The following JARID2 variants were observed in gnomAD, a reference collection of about 807,000 sequenced individuals.
JARID2 encodes protein Jumonji.
JARID2 carries 21 observed loss-of-function variants against 125.6 expected under a neutral mutation model. The observed-to-expected ratio is 0.17, with a 90% CI of 0.12 to 0.24. The LOEUF (loss-of-function observed/expected upper bound fraction) is 0.24, where lower values mean the gene tolerates loss of function less well. Ranked by LOEUF, JARID2 falls within the 10% of genes least tolerant of loss-of-function variation. The pLI is 1.00. For missense variants in JARID2, 1,303 were observed against 1,639.6 expected (o/e 0.79, Z 3.55); for synonymous variants, 736 against 661.6 (o/e 1.11, Z -1.73).
chr6:15,259,648 CAG>C (rs1468802443), intron 1 of JARID2, among the ~76,000 whole-genome samples: 2 of 152,120 alleles, frequency 1.3e-5, no homozygotes, highest in Non-Finnish European at 2.9e-5. Flanking sequence ...GCACTTAGGA[CAG>C]GGGTTAGATG....
At chr6:15,430,439 C>A (rs1019133238) in intron 3 of JARID2, among the ~76,000 whole-genome samples, 4 of 152,098 alleles carry the variant, frequency 2.6e-5, no homozygotes, top group African/African-American at 9.7e-5. Flanking sequence ...AGTTATTTTC[C>A]TGCTGTTTAT....
In JARID2 at chr6:15,419,528, A is replaced by T. The variant is rs77673984; in HGVS notation, c.323+9163A>T. Among the ~76,000 whole-genome samples the T allele has an allele frequency of 7.2e-3, 1,100 of 152,306 alleles. 14 individuals are homozygous for T. Among genetic ancestry groups the T allele is most frequent in the African/African-American group, 0.025 (1,046 of 41,566 alleles). Reference sequence around the variant, plus strand: ...TCTAACATTAGGTCTGCTGTTGATCATTCAGCTTTTGTATGTCTGGGAAGA... The same window carrying T: ...TCTAACATTAGGTCTGCTGTTGATCTTTCAGCTTTTGTATGTCTGGGAAGA... On this transcript the variant is annotated intron_variant, in intron 3 of 17. Coordinates refer to ENST00000341776, the MANE Select transcript of JARID2 (RefSeq NM_004973.4).
At chr6:15,279,300 C>A (rs1441482606) in intron 1 of JARID2, among the ~76,000 whole-genome samples, 1 of 152,134 alleles carries the variant, frequency 6.6e-6, no homozygotes, top group Non-Finnish European at 1.5e-5. Context: ...ATACTGTTTT[C>A]TGAAATGGTT....
At chr6:15,515,994 C>CA (rs568172506) in intron 16 of JARID2, among the ~76,000 whole-genome samples, 32,085 of 110,522 alleles carry the variant, frequency 0.29, 4,690 homozygotes, top group African/African-American at 0.46. Flanking sequence ...GACTCCATCT[C>CA]AAAAAAAAAA....
chr6:15,436,997 C>T (rs993413526), intron 3 of JARID2, among the ~76,000 whole-genome samples: 1 of 152,026 alleles, frequency 6.6e-6, no homozygotes, highest in Non-Finnish European at 1.5e-5. Context: ...ATATCCAGGT[C>T]CTTCTTAGAG....
At chr6:15,375,779 G>GT (rs1764330232) in intron 2 of JARID2, among the ~76,000 whole-genome samples, 1 of 152,192 alleles carries the variant, frequency 6.6e-6, no homozygotes, top group Admixed American at 6.5e-5. Context: ...AGAGTTTAGA[G>GT]TGGAGCAGTG....
In JARID2 at chr6:15,501,331, C is replaced by G. The variant is rs1334524016; in HGVS notation, c.2370C>G (p.Phe790Leu). ...TGAAGACTGGCCGGCGGCGACTCTT[C>G]GCTCAGGAAAAAGAAGTGGTCAAGG... ...AQLKTGRRRLFAQEKEVVKEE... is the reference protein window; with the variant it reads ...AQLKTGRRRLLAQEKEVVKEE... Residue 790 changes from phenylalanine to leucine, a missense_variant, in exon 8 of 18, where the codon TTC becomes TTG. Around this residue, in one of 11 missense-constraint regions of JARID2, gnomAD observed 124 missense variants for 131.0 expected, o/e 0.95. Coordinates refer to ENST00000341776, the MANE Select transcript of JARID2 (RefSeq NM_004973.4). 3 of 1,605,396 alleles carry G rather than the reference C, an allele frequency of 1.9e-6. No individual in the cohort carries two copies. The highest frequency in any genetic ancestry group is 1.7e-4 in the Middle Eastern group (1 of 6,006).
intron 3 of JARID2, among the ~76,000 whole-genome samples, chr6:15,424,799 C>T (rs953656254): frequency 9.2e-5 from 14 of 152,222 alleles, no homozygotes; most frequent in East Asian, 5.8e-4. Flanking sequence ...GCGGAGGTTG[C>T]GGTGAGCTGA....
At chr6:15,452,892 G>A (rs1002995074) in intron 4 of JARID2, among the ~76,000 whole-genome samples, 1 of 152,234 alleles carries the variant, frequency 6.6e-6, no homozygotes, top group Non-Finnish European at 1.5e-5. Context: ...TGAATGCAGA[G>A]AGTTCCTTGG....
Position 15,487,347 on chromosome 6 carries a change from T to C in JARID2, c.711T>C (p.Pro237=). The change falls in exon 6 of 18, where the codon CCT becomes CCC. Residue 237 remains proline, a synonymous_variant. Transcript: ENST00000341776. ...GSSRSTREKE[P]VQKHKSKEAT... is the part of the protein sequence containing the mutation. ...GCAGGTCAACACGGGAGAAGGAACC[T>C]GTTCAAAAACACAAAAGCAAAGAGG... 1 of 1,614,186 alleles carries C rather than the reference T, an allele frequency of 6.2e-7. No homozygotes were observed. Among genetic ancestry groups the C allele is most frequent in the South Asian group, 1.1e-5 (1 of 91,084 alleles).
Position 15,511,068 on chromosome 6 carries a change from G to T in JARID2, c.2847-228G>T, listed in dbSNP as rs142685817. 3.4e-3 allele frequency among the ~76,000 whole-genome samples: 511 copies of T among 152,338 alleles called. 2 individuals are homozygous for T. Among genetic ancestry groups the T allele is most frequent in the African/African-American group, 0.012 (491 of 41,588 alleles). ...CCATAAAAGATGAGCATCTCGCAACGCGGATGCACTGTGGTTTGGCTGTGT... is the reference window on the plus strand; with the variant it reads ...CCATAAAAGATGAGCATCTCGCAACTCGGATGCACTGTGGTTTGGCTGTGT... On this transcript the variant is annotated intron_variant, in intron 12 of 17. Transcript: ENST00000341776.
At chr6:15,449,939 G>A (rs1393633499) in intron 3 of JARID2, among the ~76,000 whole-genome samples, 3 of 152,114 alleles carry the variant, frequency 2.0e-5, no homozygotes, top group African/African-American at 7.2e-5. Context: ...TTTATATTTC[G>A]GGAGTGTGGA....
intron 1 of JARID2, among the ~76,000 whole-genome samples, chr6:15,267,667 G>T (rs995349478): frequency 6.6e-6 from 1 of 152,110 alleles, no homozygotes; most frequent in East Asian, 1.9e-4. Context: ...CCGGTGTGAC[G>T]CGCGAACTCA....
chr6:15,338,201 C>G (rs1762945168), intron 1 of JARID2, among the ~76,000 whole-genome samples: 1 of 152,158 alleles, frequency 6.6e-6, no homozygotes, highest in African/African-American at 2.4e-5. Flanking sequence ...CACTCGCTTT[C>G]TCTGTCACAG....
intron 2 of JARID2, among the ~76,000 whole-genome samples, chr6:15,405,158 A>G (rs1765597981): frequency 6.6e-6 from 1 of 152,212 alleles, no homozygotes; most frequent in South Asian, 2.1e-4. Context: ...ATAGCCATAC[A>G]CTAGTGTCTC....
At chr6:15,508,099 C>CGGCCACCTCCCTCATGA (rs1561914312) in intron 11 of JARID2, among the ~76,000 whole-genome samples, 1 of 152,218 alleles carries the variant, frequency 6.6e-6, no homozygotes, top group African/African-American at 2.4e-5. Flanking sequence ...CAGGTTCCTG[C>CGGCCACCTCCCTCATGA]GGCCACCTCC....
At chr6:15,250,324 G>T (rs1158425942) in intron 1 of JARID2, among the ~76,000 whole-genome samples, 2 of 152,150 alleles carry the variant, frequency 1.3e-5, no homozygotes, top group Non-Finnish European at 2.9e-5. Context: ...GATTTATGAG[G>T]TTTTTTGTTT....
chr6:15,482,210 T>C (rs1546851), intron 5 of JARID2, among the ~76,000 whole-genome samples: 120,690 of 152,186 alleles, frequency 0.79, 47,922 homozygotes, highest in African/African-American at 0.84. Context: ...AGTTTTTATG[T>C]GACACATCAA....
rs555358984 is a variant in JARID2, at chr6:15,452,295, T to A, written c.493+120T>A. 15 of 1,416,720 alleles carry A rather than the reference T, an allele frequency of 1.1e-5. No individual in the cohort carries two copies. The East Asian group carries it at 3.4e-4, about 32-fold the overall frequency. 87.8% of individuals were successfully genotyped at this position (1,416,720 alleles called of 1,614,324 possible). On this transcript the variant is annotated intron_variant, in intron 4 of 17. Transcript: ENST00000341776. The stretch of plus-strand genomic sequence containing the variant: ...TTCATTTTTCTGTCCCCAACCTGGG[T>A]TGAGGGGGAATTGAAAGTGAGAAAT...
Sources: gnomAD v4.1 joint callset for allele counts (sites outside exome capture counted in the v4.1 genomes callset) on GRCh38, gnomAD v4.1.1 for gene constraint, gnomAD v4.1.1 regional missense constraint, MANE v1.5 for transcripts, NCBI Gene and HGNC (gene_info 2026-07-23, HGNC 2026-07-21) for gene names.